The following HDAC1 variants were observed in gnomAD, a reference collection of about 807,000 sequenced individuals.
HDAC1 encodes protein deacetylase HDAC1.
A neutral mutation model predicts 65.5 loss-of-function variants in HDAC1; 18 were observed. That is an observed-to-expected ratio of 0.27 (90% confidence interval 0.19 to 0.41). HDAC1 has a LOEUF of 0.41. HDAC1 is among the 10% of genes least tolerant of loss of function. The pLI, the probability that HDAC1 is intolerant of heterozygous loss-of-function variation, is 1.00. For synonymous variants in HDAC1, 211 were observed against 227.9 expected (o/e 0.93, Z 0.67); for missense variants, 373 against 625.2 (o/e 0.60, Z 4.30).
At chr1:32,332,884 T>G (rs1169355155) in intron 13 of HDAC1, 133 bp from the exon 14 acceptor site, 1 of 1,170,320 alleles carries the variant, frequency 8.5e-7, no homozygotes, top group African/African-American at 1.5e-5. Context: ...TCTGTCCAGC[T>G]CTGCAGTTCT....
intron 2 of HDAC1, among the ~76,000 whole-genome samples, chr1:32,313,845 TG>T (rs756917843): frequency 4.6e-5 from 7 of 152,192 alleles, no homozygotes; most frequent in Non-Finnish European, 5.9e-5. Flanking sequence ...AGTGTGGATA[TG>T]GGTGTGAGTG....
chr1:32,292,179 A>T lies in HDAC1; in HGVS notation c.10A>T (p.Thr4Ser), dbSNP rs1177781244. The T allele has an allele frequency of 1.9e-6, 3 of 1,548,504 alleles. No homozygotes were observed. The African/African-American group carries it at 4.1e-5, about 21-fold the overall frequency. The change falls in exon 1 of 14, where the codon ACG becomes TCG. Residue 4 changes from threonine to serine, a missense_variant. Thr to Ser is a moderately conservative substitution (Grantham distance 58). Coordinates refer to ENST00000373548, the MANE Select transcript of HDAC1 (RefSeq NM_004964.3). MAQ[T>S]QGTRRKVCYY... is the part of the protein sequence containing the mutation. Reference sequence around the variant, plus strand: ...ACGGGAGGCGAGCAAGATGGCGCAGACGCAGGGCACCCGGAGGAAAGTCTG... The same window carrying T: ...ACGGGAGGCGAGCAAGATGGCGCAGTCGCAGGGCACCCGGAGGAAAGTCTG...
chr1:32,296,830 A>G (rs1640773644), intron 1 of HDAC1, among the ~76,000 whole-genome samples: 1 of 152,224 alleles, frequency 6.6e-6, no homozygotes, highest in African/African-American at 2.4e-5. Flanking sequence ...GATACAGGAA[A>G]GGGACTAGTA....
intron 4 of HDAC1, among the ~76,000 whole-genome samples, chr1:32,325,000 C>T (rs2148069294): frequency 6.6e-6 from 1 of 152,248 alleles, no homozygotes; most frequent in Non-Finnish European, 1.5e-5. Context: ...TAAAATGTCC[C>T]TCTGGTTCAG....
Position 32,333,314 on chromosome 1 carries a change from A to T in HDAC1, c.*270A>T, listed in dbSNP as rs1439139395. On this transcript the variant is annotated 3_prime_UTR_variant, in exon 14 of 14. Coordinates refer to ENST00000373548, the MANE Select transcript of HDAC1 (RefSeq NM_004964.3). ...GAAAGGGATACTTTTATGCAACCAT[A>T]AGACAAACTCCTGAAATGCCAAGTG... 2 of 300,076 alleles carry T rather than the reference A, an allele frequency of 6.7e-6. No individual in the cohort carries two copies. The highest frequency in any genetic ancestry group is 1.2e-5 in the Non-Finnish European group (2 of 163,502). The allele number at this position is 300,076 out of a possible 1,614,324, so 18.6% of individuals were successfully genotyped here.
chr1:32,319,319 TCTAAGAACTTCAG>T (rs1641108804), intron 3 of HDAC1, among the ~76,000 whole-genome samples: 1 of 151,614 alleles, frequency 6.6e-6, no homozygotes, highest in South Asian at 2.1e-4. Flanking sequence ...AATAAGCCTC[TCTAAGAACTTCAG>T]AGTACCTCAC....
Position 32,331,799 on chromosome 1 carries a change from C to T in HDAC1, c.1212C>T (p.Arg404=), listed in dbSNP as rs937711467. The part of the protein sequence containing the change: ...GDEDEDDPDK[R]ISICSSDKRI... ...AGGACGAAGACGACCCTGACAAGCG[C>T]ATCTCGAGTGAGACCCAGACCTAGA... Residue 404 remains arginine (R), a synonymous_variant, in exon 11 of 14, where the codon CGC becomes CGT. Transcript: ENST00000373548. This position sits in a 1 kb window ranked among gnomAD's most constrained non-coding sequence, Gnocchi z 4.2. 1.2e-5 allele frequency: 19 copies of T among 1,610,614 alleles called. No individual in the cohort carries two copies. The highest frequency in any genetic ancestry group is 1.6e-5 in the Non-Finnish European group (19 of 1,178,308).
rs778612282 is a variant in HDAC1, at chr1:32,327,734, C to G, written c.636+57C>G. 1.2e-5 allele frequency: 18 copies of G among 1,536,414 alleles called. No homozygotes were observed. The Admixed American group carries it at 3.0e-4, about 26-fold the overall frequency. On this transcript the variant is annotated intron_variant, in intron 6 of 13. Transcript: ENST00000373548. The surrounding 1 kb of genome is among the most constrained non-coding windows in gnomAD (Gnocchi z 6.0). ...ACCCTCAGCTGGCAGCTCTACTTCT[C>G]TCTCCTATCTCATGCCACTAAAAAT...
chr1:32,304,134 A>G (rs1009423250), intron 2 of HDAC1, among the ~76,000 whole-genome samples: 2 of 152,162 alleles, frequency 1.3e-5, no homozygotes, highest in African/African-American at 4.8e-5. Flanking sequence ...TTGCCTTACT[A>G]CATAAGAATC....
chr1:32,328,963 C>G, intron 6 of HDAC1, 105 bp from the exon 7 acceptor site: 1 of 776,860 alleles, frequency 1.3e-6, no homozygotes, highest in South Asian at 1.4e-5. Context: ...CATCATGGGC[C>G]TAGCTTGTCT....
rs185764854 is a variant in HDAC1, at chr1:32,310,707, G to C, written c.163-5958G>C. Among the ~76,000 whole-genome samples the C allele has an allele frequency of 3.7e-3, 570 of 152,052 alleles. 5 individuals carry two copies. The highest frequency in any genetic ancestry group is 0.013 in the African/African-American group (538 of 41,464). ...TCTACTAAAAATACAAAAATTAGCCGGGAGTGGTGGTGGGAGCCTGTAATC... is the reference window on the plus strand; with the variant it reads ...TCTACTAAAAATACAAAAATTAGCCCGGAGTGGTGGTGGGAGCCTGTAATC... On this transcript the variant is annotated intron_variant, in intron 2 of 13. Coordinates refer to ENST00000373548, the MANE Select transcript of HDAC1 (RefSeq NM_004964.3).
chr1:32,312,368 A>AT (rs999460832), intron 2 of HDAC1, among the ~76,000 whole-genome samples: 1 of 150,402 alleles, frequency 6.6e-6, no homozygotes, highest in African/African-American at 2.4e-5. Context: ...TTTTATTTTT[A>AT]TTTTTTCTTT....
chr1:32,294,863 G>A (rs1034889261), intron 1 of HDAC1, among the ~76,000 whole-genome samples: 1 of 143,578 alleles, frequency 7.0e-6, no homozygotes, highest in Non-Finnish European at 1.5e-5. Context: ...GTCTCAATAT[G>A]TTGCCTGGGC....
In HDAC1 at chr1:32,324,478, G is replaced by T. The variant is rs1179923896; in HGVS notation, c.281-1G>T. On this transcript the variant is annotated splice_acceptor_variant, in intron 3 of 13. Transcript: ENST00000373548. LOFTEE classifies it high-confidence loss of function. ...CTAACCTTTTGCTTATTTCTTTCAA[G>T]TCAACGTTGGTGAGGACTGTCCAGT... The T allele has an allele frequency of 1.2e-6, 2 of 1,607,664 alleles. No individual in the cohort carries two copies. The highest frequency in any genetic ancestry group is 1.1e-5 in the South Asian group (1 of 90,880).
chr1:32,320,899 CAAAAAAAAAAA>C (rs1160071616), intron 3 of HDAC1, among the ~76,000 whole-genome samples: 822 of 23,446 alleles, frequency 0.035, 24 homozygotes, highest in African/African-American at 0.069. Flanking sequence ...GACTCCATCT[CAAAAAAAAAAA>C]AAAAAAAAAA....
intron 2 of HDAC1, among the ~76,000 whole-genome samples, chr1:32,316,048 C>A (rs1311539733): frequency 6.6e-6 from 1 of 151,508 alleles, no homozygotes; most frequent in African/African-American, 2.4e-5. Context: ...TTTGGAAGGC[C>A]GAGGCGGGCG....
At position 32,329,889 on chromosome 1, in the gene HDAC1, G is replaced by C. The variant is rs1032327083; in HGVS notation, c.730-689G>C. On this transcript the variant is annotated intron_variant, in intron 7 of 13. Coordinates refer to ENST00000373548, the MANE Select transcript of HDAC1 (RefSeq NM_004964.3). The surrounding 1 kb of genome is among the most constrained non-coding windows in gnomAD (Gnocchi z 4.1). ...TTTAGTAGAAGGAATGGCACTAGCA[G>C]AAGTGCAGAGGTGCCAGTGTGGCAG... is the stretch of plus-strand genomic sequence containing the variant. The C allele has an allele frequency of 1.9e-5, 3 of 157,188 alleles. No individual in the cohort carries two copies. Among genetic ancestry groups the C allele is most frequent in the Non-Finnish European group, 2.8e-5 (2 of 70,826 alleles). The allele number at this position is 157,188 out of a possible 1,614,324, so 9.7% of individuals were successfully genotyped here.
intron 2 of HDAC1, 53 bp from the exon 3 acceptor site, chr1:32,316,612 C>T: frequency 2.1e-6 from 2 of 949,942 alleles, no homozygotes; most frequent in Non-Finnish European, 1.7e-6. Context: ...ACTAGATTGA[C>T]TGGACTGGCC....
intron 4 of HDAC1, among the ~76,000 whole-genome samples, chr1:32,325,254 C>G (rs963181561): frequency 1.3e-5 from 2 of 152,152 alleles, no homozygotes; most frequent in African/African-American, 4.8e-5. Context: ...CATGTATCTC[C>G]CACTTCCATT....
Sources: allele counts gnomAD v4.1 joint callset (sites outside exome capture counted in the v4.1 genomes callset), GRCh38; gene constraint gnomAD v4.1.1; non-coding constraint Gnocchi (gnomAD v3.1); transcripts MANE v1.5; gene names NCBI Gene and HGNC (gene_info 2026-07-23, HGNC 2026-07-21).